CCDC138: variants seen among roughly 807,000 people sequenced by gnomAD.
CCDC138 encodes coiled-coil domain containing 138, also known as coiled-coil domain-containing protein 138.
CCDC138 carries 66 observed loss-of-function variants against 82.3 expected under a neutral mutation model. The observed-to-expected ratio is 0.80, with a 90% CI of 0.66 to 0.98. The LOEUF is 0.98. CCDC138 is among the 50% of genes least tolerant of loss of function. The pLI is 0.00. For missense variants in CCDC138, 816 were observed against 758.9 expected, an observed-to-expected ratio of 1.08 and a Z score of -0.88; for synonymous variants, 297 against 265.4, an observed-to-expected ratio of 1.12 and a Z score of -1.16.
At chr2:108,841,246 T>C (rs1558711031) in intron 11 of CCDC138, among the ~76,000 whole-genome samples, 1 of 152,180 alleles carries the variant, frequency 6.6e-6, no homozygotes. Flanking sequence ...TGTTGTTTGG[T>C]AGAGTGTTGC....
intron 10 of CCDC138, among the ~76,000 whole-genome samples, chr2:108,819,498 A>C (rs1032910740): frequency 6.6e-6 from 1 of 151,982 alleles, no homozygotes; most frequent in South Asian, 2.1e-4. Context: ...AGCACGTAAG[A>C]GCTGCGGAGA....
At chr2:108,876,045 TC>T (rs1305748677) in intron 14 of CCDC138, 42 bp from the exon 15 acceptor site, 1 of 1,320,450 alleles carries the variant, frequency 7.6e-7, no homozygotes, top group African/African-American at 1.5e-5. Flanking sequence ...AGATAAACTC[TC>T]TAAGTATGTG....
At chr2:108,793,346 AAAC>A (rs1680260594) in intron 4 of CCDC138, among the ~76,000 whole-genome samples, 1 of 152,180 alleles carries the variant, frequency 6.6e-6, no homozygotes, top group South Asian at 2.1e-4. Context: ...AAACAAAACA[AAAC>A]AACAACAAAA....
chr2:108,800,619 T>A (rs1448554207), intron 6 of CCDC138, among the ~76,000 whole-genome samples: 3 of 138,844 alleles, frequency 2.2e-5, no homozygotes, highest in Non-Finnish European at 3.1e-5. Context: ...TTTTTTTTTT[T>A]TTTTTTTTTT....
Position 108,815,934 on chromosome 2 carries a change from C to A in CCDC138, c.1042-7C>A. 6.3e-7 allele frequency: 1 copy of A among 1,592,078 alleles called. No individual in the cohort carries two copies. Among genetic ancestry groups the A allele is most frequent in the Non-Finnish European group, 8.5e-7 (1 of 1,171,816 alleles). Reference sequence around the variant, plus strand: ...CTGAAATAAATGATTTAATTTTTGACATATAGGTACCACTTAATGGGCAAG... The same window carrying A: ...CTGAAATAAATGATTTAATTTTTGAAATATAGGTACCACTTAATGGGCAAG... On this transcript the variant is annotated splice_polypyrimidine_tract_variant and splice_region_variant and intron_variant, in intron 9 of 14. Transcript: ENST00000295124.
Position 108,856,940 on chromosome 2 carries a change from G to T in CCDC138, c.1663G>T (p.Asp555Tyr). The stretch of plus-strand genomic sequence containing the variant: ...TAAAGGACTCCTGTCTAATGTTATT[G>T]ATAGTTTGCTCCAGATGACGGTGGA... The part of the protein sequence containing the change: ...SSKGLLSNVI[D>Y]SLLQMTVESK... The change falls in exon 13 of 15, where the codon GAT becomes TAT. Residue 555 changes from aspartate (D) to tyrosine (Y), a missense_variant. Transcript: ENST00000295124. The T allele has an allele frequency of 1.2e-6, 2 of 1,608,252 alleles. No individual in the cohort carries two copies. Among genetic ancestry groups the T allele is most frequent in the South Asian group, 2.2e-5 (2 of 89,780 alleles).
At chr2:108,823,380 C>T (rs1019855003) in intron 10 of CCDC138, among the ~76,000 whole-genome samples, 1 of 152,164 alleles carries the variant, frequency 6.6e-6, no homozygotes, top group Admixed American at 6.5e-5. Context: ...TGCAAAAATC[C>T]TCAACAAAAT....
intron 13 of CCDC138, among the ~76,000 whole-genome samples, chr2:108,858,525 C>A (rs1285004736): frequency 1.3e-5 from 2 of 152,118 alleles, no homozygotes; most frequent in Non-Finnish European, 2.9e-5. Context: ...CATTTACTTG[C>A]TTGAATTTTA....
chr2:108,821,728 T>C (rs1685736539), intron 10 of CCDC138, among the ~76,000 whole-genome samples: 1 of 152,018 alleles, frequency 6.6e-6, no homozygotes, highest in South Asian at 2.1e-4. Context: ...GTGGATTATC[T>C]GAGGTCAGAA....
rs1489856859 is a variant in CCDC138, at chr2:108,845,845, ACAGGCGTGAGCCACCGCGCC to A, written c.1324-889_1324-870del. On this transcript the variant is annotated intron_variant, in intron 11 of 14. Transcript: ENST00000295124. ...CTCGGCGTCCCAAAGTGTTGGGATTACAGGCGTGAGCCACCGCGCCCAGCCTCATTTTATTCTTAATAGAT... is the reference window on the plus strand; with the variant it reads ...CTCGGCGTCCCAAAGTGTTGGGATTACAGCCTCATTTTATTCTTAATAGAT... Among the ~76,000 whole-genome samples the A allele has an allele frequency of 2.0e-5, 3 of 152,218 alleles. 1 individual carries two copies. The highest frequency in any genetic ancestry group is 4.4e-5 in the Non-Finnish European group (3 of 68,038).
chr2:108,861,008 T>G (rs564219477), intron 13 of CCDC138, among the ~76,000 whole-genome samples: 2 of 138,326 alleles, frequency 1.4e-5, no homozygotes, highest in East Asian at 4.8e-4. Context: ...AGCTCAATAC[T>G]GGTCTGTTCA....
At chr2:108,821,812 G>T in intron 10 of CCDC138, among the ~76,000 whole-genome samples, 1 of 151,766 alleles carries the variant, frequency 6.6e-6, no homozygotes. Flanking sequence ...GGGCGTAGTG[G>T]TGGGTGCCTA....
chr2:108,847,054 G>GT, intron 12 of CCDC138, 124 bp downstream of exon 12: 3 of 629,848 alleles, frequency 4.8e-6, no homozygotes, highest in Non-Finnish European at 8.2e-6. Flanking sequence ...GTTTTATAAT[G>GT]GTTACACATT....
intron 10 of CCDC138, among the ~76,000 whole-genome samples, chr2:108,832,037 TTC>T (rs1687773879): frequency 6.6e-6 from 1 of 150,894 alleles, no homozygotes; most frequent in East Asian, 2.0e-4. Flanking sequence ...ACAGCTTTTT[TTC>T]TCTTTTTTGA....
chr2:108,884,343 C>T (rs968543925), intron 2 of CCDC138: 1 of 152,324 alleles, frequency 6.6e-6, no homozygotes, highest in Middle Eastern at 3.4e-3. Flanking sequence ...AAGATAAACA[C>T]TCCTCAGAAT....
At chr2:108,872,951 C>A (rs1695507377) in intron 13 of CCDC138, among the ~76,000 whole-genome samples, 1 of 152,114 alleles carries the variant, frequency 6.6e-6, no homozygotes, top group Admixed American at 6.5e-5. Flanking sequence ...TGAGAGTAGT[C>A]TTTTTTTAAA....
chr2:108,826,419 G>A (rs1458832904), intron 10 of CCDC138, among the ~76,000 whole-genome samples: 2 of 152,082 alleles, frequency 1.3e-5, no homozygotes, highest in African/African-American at 4.8e-5. Flanking sequence ...GATGCATTTT[G>A]AGTTAGTTTT....
chr2:108,859,999 C>G (rs1019761778), intron 13 of CCDC138, among the ~76,000 whole-genome samples: 1 of 151,966 alleles, frequency 6.6e-6, no homozygotes. Context: ...TTATAGTTCT[C>G]CTTGTAGAGA....
chr2:108,823,931 C>T (rs1310430264), intron 10 of CCDC138, among the ~76,000 whole-genome samples: 1 of 151,634 alleles, frequency 6.6e-6, no homozygotes, highest in Admixed American at 6.6e-5. Context: ...GAGCCAAGAT[C>T]GCGCCACTGC....
Sources: allele counts gnomAD v4.1 joint callset (sites outside exome capture counted in the v4.1 genomes callset), GRCh38; gene constraint gnomAD v4.1.1; transcripts MANE v1.5; gene names NCBI Gene and HGNC (gene_info 2026-07-23, HGNC 2026-07-21).